Variants in GPD2 observed in about 807,000 individuals in gnomAD.
GPD2 encodes glycerol-3-phosphate dehydrogenase 2, also known as glycerol-3-phosphate dehydrogenase, mitochondrial.
GPD2 carries 54 observed loss-of-function variants against 82.4 expected under a neutral mutation model. The observed-to-expected ratio is 0.66, with a 90% confidence interval of 0.53 to 0.82. The LOEUF (loss-of-function observed/expected upper bound fraction) is 0.82, where lower values mean the gene tolerates loss of function less well. GPD2 is among the 40% of genes least tolerant of loss of function. GPD2 has a pLI of 0.00. For synonymous variants in GPD2, 288 were observed against 306.1 expected, an observed-to-expected ratio of 0.94 and a Z score of 0.62; for missense variants, 748 against 896.2, an observed-to-expected ratio of 0.83 and a Z score of 2.11.
intron 1 of GPD2, among the ~76,000 whole-genome samples, chr2:156,459,192 AT>A (rs1682892901): frequency 6.6e-6 from 1 of 152,036 alleles, no homozygotes; most frequent in Admixed American, 6.6e-5. Context: ...GGTGCCATTT[AT>A]TTTTTTAGAC....
At chr2:156,544,481 A>G (rs760947603) in intron 6 of GPD2, among the ~76,000 whole-genome samples, 7 of 152,134 alleles carry the variant, frequency 4.6e-5, no homozygotes, top group Non-Finnish European at 7.3e-5. Context: ...GATTGGGACA[A>G]TTTTTGCAAT....
chr2:156,439,108 A>G (rs1325074768), intron 1 of GPD2, among the ~76,000 whole-genome samples: 1 of 152,232 alleles, frequency 6.6e-6, no homozygotes, highest in Admixed American at 6.5e-5. Flanking sequence ...AGCCAACATA[A>G]TCTTGTACTT....
chr2:156,518,890 G>A (rs371921741), intron 6 of GPD2, among the ~76,000 whole-genome samples: 14 of 152,264 alleles, frequency 9.2e-5, no homozygotes, highest in African/African-American at 3.4e-4. Flanking sequence ...AATATTAATA[G>A]CAAGTCCTTT....
chr2:156,570,774 C>T (rs763504877), intron 12 of GPD2, among the ~76,000 whole-genome samples: 3 of 152,146 alleles, frequency 2.0e-5, no homozygotes, highest in Non-Finnish European at 4.4e-5. Context: ...TTTTGACACT[C>T]GTCCTTTTCC....
At chr2:156,406,471 A>G in the GPD2 span, among the ~76,000 whole-genome samples, 1 of 152,206 alleles carries the variant, frequency 6.6e-6, no homozygotes, top group Non-Finnish European at 1.5e-5. Flanking sequence ...TACACAGTGC[A>G]GACAATTATC....
At chr2:156,536,324 C>T (rs1573974926) in intron 6 of GPD2, among the ~76,000 whole-genome samples, 1 of 152,300 alleles carries the variant, frequency 6.6e-6, no homozygotes, top group East Asian at 1.9e-4. Context: ...ATTTTGCCCT[C>T]TCCTTAAGGT....
At chr2:156,424,263 A>T in the GPD2 span, among the ~76,000 whole-genome samples, 1 of 152,194 alleles carries the variant, frequency 6.6e-6, no homozygotes, top group Non-Finnish European at 1.5e-5. Context: ...AGCAGTTGTA[A>T]ATGTTTTGCA....
intron 9 of GPD2, among the ~76,000 whole-genome samples, chr2:156,561,198 C>A (rs1485353207): frequency 6.6e-6 from 1 of 151,712 alleles, no homozygotes; most frequent in Non-Finnish European, 1.5e-5. Flanking sequence ...CAGGCACACG[C>A]CACCACACCC....
At chr2:156,450,122 A>C (rs1412877404) in intron 1 of GPD2, among the ~76,000 whole-genome samples, 1 of 152,240 alleles carries the variant, frequency 6.6e-6, no homozygotes, top group Non-Finnish European at 1.5e-5. Flanking sequence ...AGAAGAATAA[A>C]AGAAAGGCTT....
chr2:156,552,969 G>A (rs1237662349), intron 8 of GPD2, among the ~76,000 whole-genome samples: 1 of 137,112 alleles, frequency 7.3e-6, no homozygotes, highest in Non-Finnish European at 1.5e-5. Flanking sequence ...GTGCCATCTT[G>A]GCCCACTGCA....
At chr2:156,527,447 A>G (rs1685654877) in intron 6 of GPD2, among the ~76,000 whole-genome samples, 1 of 152,098 alleles carries the variant, frequency 6.6e-6, no homozygotes, top group Admixed American at 6.6e-5. Flanking sequence ...GTAGATCATT[A>G]TATCCACTCA....
chr2:156,552,134 A>G (rs1416304046), intron 8 of GPD2, among the ~76,000 whole-genome samples: 4 of 152,236 alleles, frequency 2.6e-5, no homozygotes. Context: ...AAAATCATTA[A>G]AGAGAATTTC....
At chr2:156,421,838 T>C in the GPD2 span, among the ~76,000 whole-genome samples, 4 of 152,178 alleles carry the variant, frequency 2.6e-5, no homozygotes, top group Admixed American at 2.0e-4. Flanking sequence ...TGTTAAAAAG[T>C]ATTTAAGTCA....
At chr2:156,432,204 TAAA>T (rs1688324523), upstream of GPD2, among the ~76,000 whole-genome samples, 2 of 152,218 alleles carry the variant, frequency 1.3e-5, no homozygotes, top group African/African-American at 4.8e-5. Flanking sequence ...TGTAAAATCT[TAAA>T]AGAATGATCA....
chr2:156,498,473 C>T (rs1307481273), intron 3 of GPD2, among the ~76,000 whole-genome samples: 2 of 152,118 alleles, frequency 1.3e-5, no homozygotes, highest in African/African-American at 4.8e-5. Flanking sequence ...CAAAGTGTTC[C>T]AGTCTGAGAA....
chr2:156,464,938 C>T (rs1253771994), intron 1 of GPD2, among the ~76,000 whole-genome samples: 1 of 151,970 alleles, frequency 6.6e-6, no homozygotes, highest in Admixed American at 6.6e-5. Context: ...AAAGCCTCCA[C>T]CTCCTGGGTT....
the GPD2 span, among the ~76,000 whole-genome samples, chr2:156,405,371 G>A: frequency 6.6e-6 from 1 of 152,158 alleles, no homozygotes; most frequent in Non-Finnish European, 1.5e-5. Flanking sequence ...CTACAGAAGT[G>A]GATTTGGAAG....
the GPD2 span, among the ~76,000 whole-genome samples, chr2:156,410,819 C>T: frequency 6.6e-6 from 1 of 152,160 alleles, no homozygotes; most frequent in African/African-American, 2.4e-5. Flanking sequence ...GTAAATACTG[C>T]TATTAGTTAC....
chr2:156,523,256 C>G (rs1041204043), intron 6 of GPD2, among the ~76,000 whole-genome samples: 1 of 152,134 alleles, frequency 6.6e-6, no homozygotes, highest in African/African-American at 2.4e-5. Flanking sequence ...ATCCTTCCCC[C>G]TCCCCTAACC....
Sources: allele counts gnomAD v4.1 joint callset (sites outside exome capture counted in the v4.1 genomes callset), GRCh38; gene constraint gnomAD v4.1.1; transcripts MANE v1.5; gene names NCBI Gene and HGNC (gene_info 2026-07-23, HGNC 2026-07-21).